The following FITM2 variants were observed in gnomAD, a reference collection of about 807,000 sequenced individuals.
FITM2 encodes the protein fat storage inducing transmembrane protein 2, also known as acyl-coenzyme A diphosphatase FITM2.
In FITM2, 16 loss-of-function variants were observed where a neutral mutation model predicts 23.3. That is an observed-to-expected ratio of 0.69 (90% CI 0.47 to 1.05). The LOEUF is 1.05. Ranked by LOEUF, FITM2 falls within the 50% of genes least tolerant of loss-of-function variation. The probability of loss-of-function intolerance (pLI) is 0.00; values close to 1 mark genes in which losing one functional copy is unlikely to be tolerated. For synonymous variants in FITM2, 132 were observed against 142.0 expected (o/e 0.93, Z 0.50); for missense variants, 273 against 327.5 (o/e 0.83, Z 1.29).
intron 1 of FITM2, 136 bp from the exon 2 acceptor site, chr20:44,307,376 T>G: frequency 1.0e-6 from 1 of 987,520 alleles, no homozygotes; most frequent in Non-Finnish European, 1.5e-6. Context: ...GCAACTATCA[T>G]GTTTTAGGTA....
chr20:44,306,684 G>A lies in FITM2; in HGVS notation c.730C>T (p.Pro244Ser). Residue 244 changes from proline (P) to serine (S), a missense_variant, in exon 2 of 2, where the codon CCA (proline) becomes TCA (serine). Physicochemically the swap from Pro to Ser is moderately conservative, Grantham distance 74. This residue lies in a region of FITM2 where 33 missense variants were observed against 26.3 expected (regional missense o/e 1.25). Coordinates refer to ENST00000396825, the MANE Select transcript of FITM2 (RefSeq NM_001080472.4). ...YGFWYPKAFS[P>S]GLPPQSCSLN... ...CTACAGCTCTGGGGAGGAAGTCCTG[G>A]GGAAAAGGCTTTCGGATACCAAAAC... 3 of 1,614,082 alleles carry A rather than the reference G, an allele frequency of 1.9e-6. No individual in the cohort carries two copies. The highest frequency in any genetic ancestry group is 2.5e-6 in the Non-Finnish European group (3 of 1,180,044).
chr20:44,308,526 G>T (rs1406683038), intron 1 of FITM2, among the ~76,000 whole-genome samples: 2 of 151,996 alleles, frequency 1.3e-5, no homozygotes, highest in Admixed American at 6.6e-5. Context: ...ACCATATGTG[G>T]TTTTTTATTT....
chr20:44,309,397 C>T (rs1052555034), intron 1 of FITM2, among the ~76,000 whole-genome samples: 3 of 152,142 alleles, frequency 2.0e-5, no homozygotes, highest in Non-Finnish European at 2.9e-5. Flanking sequence ...CCAGGCTGGT[C>T]TTGAACTCCT....
At chr20:44,309,076 C>A (rs1600587000) in intron 1 of FITM2, among the ~76,000 whole-genome samples, 1 of 151,270 alleles carries the variant, frequency 6.6e-6, no homozygotes, top group East Asian at 2.0e-4. Flanking sequence ...CTCACTGCAA[C>A]CTCCGCCTCC....
intron 1 of FITM2, among the ~76,000 whole-genome samples, chr20:44,310,702 C>T (rs1444486429): frequency 2.6e-5 from 4 of 152,146 alleles, no homozygotes; most frequent in Non-Finnish European, 5.9e-5. Flanking sequence ...TTCCACACCC[C>T]TACATATACA....
chr20:44,304,413 A>C lies in FITM2; in HGVS notation c.*2212T>G, dbSNP rs540782734. Reference sequence around the variant, plus strand: ...CTGTGCCTTTGTGGATGGAGGTGACAGGATTTCTAACCCTTCCCAGCATTG... The same window carrying C: ...CTGTGCCTTTGTGGATGGAGGTGACCGGATTTCTAACCCTTCCCAGCATTG... On this transcript the variant is annotated 3_prime_UTR_variant, in exon 2 of 2. Coordinates refer to ENST00000396825, the MANE Select transcript of FITM2 (RefSeq NM_001080472.4). 6 of 152,322 alleles carry C rather than the reference A, an allele frequency of 3.9e-5. No individual in the cohort carries two copies. In the East Asian group the frequency reaches 1.2e-3, roughly 29 times the overall value. The allele number at this position is 152,322 out of a possible 1,614,324, so 9.4% of individuals were successfully genotyped here. A position where few individuals can be genotyped will look rare whatever the true frequency, so the allele number is the denominator to read the frequency against.
Position 44,306,561 on chromosome 20 carries a change from A to G in FITM2, c.*64T>C, listed in dbSNP as rs2062689992. The G allele has an allele frequency of 1.3e-6, 2 of 1,563,208 alleles. No individual in the cohort carries two copies. Among genetic ancestry groups the G allele is most frequent in the Non-Finnish European group, 1.7e-6 (2 of 1,158,076 alleles). ...GGATCAATAATTTAGCCAAATAACT[A>G]AGCAAAATATATATTTGAAAAATAG... On this transcript the variant is annotated 3_prime_UTR_variant, in exon 2 of 2. Transcript: ENST00000396825.
intron 1 of FITM2, among the ~76,000 whole-genome samples, chr20:44,309,821 C>G (rs753683849): frequency 6.6e-6 from 1 of 152,186 alleles, no homozygotes; most frequent in African/African-American, 2.4e-5. Context: ...CCAGAGGAAG[C>G]AGCAGCTGCC....
intron 1 of FITM2, among the ~76,000 whole-genome samples, chr20:44,309,070 CT>C (rs2062698207): frequency 6.6e-6 from 1 of 152,060 alleles, no homozygotes; most frequent in African/African-American, 2.4e-5. Flanking sequence ...TCTCGGCTCA[CT>C]GCAACCTCCG....
Position 44,304,396 on chromosome 20 carries a change from T to A in FITM2, c.*2229A>T, listed in dbSNP as rs1458102058. 1.3e-5 allele frequency: 2 copies of A among 152,046 alleles called. No individual in the cohort carries two copies. The highest frequency in any genetic ancestry group is 2.9e-5 in the Non-Finnish European group (2 of 68,010). The allele number at this position is 152,046 out of a possible 1,614,324, so 9.4% of individuals were successfully genotyped here. A position where few individuals can be genotyped will look rare whatever the true frequency, so the allele number is the denominator to read the frequency against. ...TATCACAGGGCGTGGAACTGTGCCT[T>A]TGTGGATGGAGGTGACAGGATTTCT... On this transcript the variant is annotated 3_prime_UTR_variant, in exon 2 of 2. Coordinates refer to ENST00000396825, the MANE Select transcript of FITM2 (RefSeq NM_001080472.4).
In FITM2 at chr20:44,306,438, A is replaced by G; in HGVS notation, c.*187T>C. On this transcript the variant is annotated 3_prime_UTR_variant, in exon 2 of 2. Coordinates refer to ENST00000396825, the MANE Select transcript of FITM2 (RefSeq NM_001080472.4). ...AACTGGGAATGGTGGTGCTTGCAAC[A>G]CTGGTGATGTCGCCAAGAATAGTCT... 4.4e-6 allele frequency: 3 copies of G among 685,726 alleles called. No individual in the cohort carries two copies. The East Asian group carries it at 9.4e-5, about 21-fold the overall frequency. The allele number at this position is 685,726 out of a possible 1,614,324, so 42.5% of individuals were successfully genotyped here. A position where few individuals can be genotyped will look rare whatever the true frequency, so the allele number is the denominator to read the frequency against.
At chr20:44,310,661 T>C (rs1329907390) in intron 1 of FITM2, among the ~76,000 whole-genome samples, 1 of 149,776 alleles carries the variant, frequency 6.7e-6, no homozygotes, top group African/African-American at 2.5e-5. Context: ...GGCGGGGGAG[T>C]GGTGACAGGG....
Position 44,306,901 on chromosome 20 carries a change from A to C in FITM2, c.513T>G (p.Ser171=), listed in dbSNP as rs1413048748. Residue 171 remains serine, a synonymous_variant, in exon 2 of 2, where the codon TCT becomes TCG. Coordinates refer to ENST00000396825, the MANE Select transcript of FITM2 (RefSeq NM_001080472.4). ...FCALMIVEEM[S]VLHEVKTDRS... is the part of the protein sequence containing the mutation. Reference sequence around the variant, plus strand: ...GGTCCGTCTTCACCTCATGCAGCACAGACATCTCTTCTACAATCATGAGGG... The same window carrying C: ...GGTCCGTCTTCACCTCATGCAGCACCGACATCTCTTCTACAATCATGAGGG... 6.2e-7 allele frequency: 1 copy of C among 1,614,080 alleles called. No homozygotes were observed. Among genetic ancestry groups the C allele is most frequent in the Non-Finnish European group, 8.5e-7 (1 of 1,180,048 alleles).
At chr20:44,307,940 A>T (rs2062695287) in intron 1 of FITM2, among the ~76,000 whole-genome samples, 1 of 152,022 alleles carries the variant, frequency 6.6e-6, no homozygotes, top group South Asian at 2.1e-4. Context: ...ACAAAAAATT[A>T]GCCAGGCGTG....
chr20:44,308,035 C>T (rs946878170), intron 1 of FITM2, among the ~76,000 whole-genome samples: 1 of 151,644 alleles, frequency 6.6e-6, no homozygotes, highest in East Asian at 2.0e-4. Flanking sequence ...TGCAGTGAGC[C>T]GAGATTGTGC....
At chr20:44,307,960 G>A (rs1038287823) in intron 1 of FITM2, among the ~76,000 whole-genome samples, 3 of 152,104 alleles carry the variant, frequency 2.0e-5, no homozygotes, top group Non-Finnish European at 2.9e-5. Flanking sequence ...GGTGGCGGGC[G>A]CCTGTAGTCC....
In FITM2 at chr20:44,306,682, T is replaced by C; in HGVS notation, c.732A>G (p.Pro244=). 6.2e-7 allele frequency: 1 copy of C among 1,614,220 alleles called. No homozygotes were observed. Among genetic ancestry groups the C allele is most frequent in the Non-Finnish European group, 8.5e-7 (1 of 1,180,050 alleles). The change falls in exon 2 of 2, where the codon CCA becomes CCG. Residue 244 remains proline, a synonymous_variant. Coordinates refer to ENST00000396825, the MANE Select transcript of FITM2 (RefSeq NM_001080472.4). ...YGFWYPKAFS[P]GLPPQSCSLN... ...AACTACAGCTCTGGGGAGGAAGTCC[T>C]GGGGAAAAGGCTTTCGGATACCAAA...
At chr20:44,310,610 C>A (rs2062702261) in intron 1 of FITM2, among the ~76,000 whole-genome samples, 1 of 152,188 alleles carries the variant, frequency 6.6e-6, no homozygotes, top group South Asian at 2.1e-4. Context: ...GAGATGGCAT[C>A]TCCCAAACAG....
At chr20:44,310,044 GA>G (rs2146092161) in intron 1 of FITM2, among the ~76,000 whole-genome samples, 1 of 152,324 alleles carries the variant, frequency 6.6e-6, no homozygotes, top group Non-Finnish European at 1.5e-5. Context: ...CACTGGGACT[GA>G]TAAGGAAGAT....
Sources: gnomAD v4.1 joint callset for allele counts (sites outside exome capture counted in the v4.1 genomes callset) on GRCh38, gnomAD v4.1.1 for gene constraint, gnomAD v4.1.1 regional missense constraint, MANE v1.5 for transcripts, NCBI Gene and HGNC (gene_info 2026-07-23, HGNC 2026-07-21) for gene names.